The following PTPRN2 variants were observed in gnomAD, a reference collection of about 807,000 sequenced individuals.
PTPRN2 encodes the protein protein tyrosine phosphatase receptor type N2.
In PTPRN2, 74 loss-of-function variants were observed where a neutral mutation model predicts 118.8. That is an observed-to-expected ratio of 0.62 (90% CI 0.52 to 0.76). The LOEUF is 0.76. Among genes scored for constraint, PTPRN2 ranks in the 30% least tolerant of loss-of-function variants. The pLI is 0.00. For missense variants in PTPRN2, 1,481 were observed against 1,394.4 expected (o/e 1.06, Z -0.99); for synonymous variants, 641 against 608.0 (o/e 1.05, Z -0.80).
intron 14 of PTPRN2, among the ~76,000 whole-genome samples, chr7:157,644,741 G>A (rs1266321149): frequency 6.7e-6 from 1 of 150,236 alleles, no homozygotes; most frequent in Non-Finnish European, 1.5e-5. Flanking sequence ...GTTGCAGTGA[G>A]CCGAGATCAC....
intron 1 of PTPRN2, among the ~76,000 whole-genome samples, chr7:158,576,771 ATGGGGC>A (rs1405529125): frequency 6.6e-6 from 1 of 151,844 alleles, no homozygotes; most frequent in African/African-American, 2.4e-5. Flanking sequence ...CACAAACAGC[ATGGGGC>A]CTACACAACA....
At chr7:157,706,551 C>A (rs1033437389) in intron 12 of PTPRN2, among the ~76,000 whole-genome samples, 2 of 152,082 alleles carry the variant, frequency 1.3e-5, no homozygotes, top group African/African-American at 4.8e-5. Context: ...ACCCAGGTGC[C>A]TTCTGGATAA....
At chr7:158,403,457 T>C (rs537331168) in intron 2 of PTPRN2, among the ~76,000 whole-genome samples, 2 of 152,340 alleles carry the variant, frequency 1.3e-5, no homozygotes, top group East Asian at 3.9e-4. Context: ...CTGCCCTCGT[T>C]CTGCAACAGC....
In PTPRN2 at chr7:158,522,653, G is replaced by C. The variant is rs559985515; in HGVS notation, c.113-32868C>G. 9.2e-5 allele frequency among the ~76,000 whole-genome samples: 14 copies of C among 152,324 alleles called. No individual in the cohort carries two copies. In the South Asian group the frequency reaches 2.7e-3, roughly 29 times the overall value. On this transcript the variant is annotated intron_variant, in intron 1 of 22. Coordinates refer to ENST00000389418, the MANE Select transcript of PTPRN2 (RefSeq NM_002847.5). Reference sequence around the variant, plus strand: ...TTGCTGCGGCTAGATGCAGTCTGTGGACACAGATTAAGGTGAAGTGAGGGC... The same window carrying C: ...TTGCTGCGGCTAGATGCAGTCTGTGCACACAGATTAAGGTGAAGTGAGGGC...
chr7:158,115,036 C>T (rs1311442184), intron 9 of PTPRN2, among the ~76,000 whole-genome samples: 1 of 152,222 alleles, frequency 6.6e-6, no homozygotes, highest in Non-Finnish European at 1.5e-5. Flanking sequence ...GGGCACTGTC[C>T]CACTCTCCTG....
chr7:158,456,591 G>A (rs554963341), intron 2 of PTPRN2, among the ~76,000 whole-genome samples: 17 of 151,402 alleles, frequency 1.1e-4, no homozygotes, highest in East Asian at 7.9e-4. Context: ...CCATTGCTCC[G>A]CAGAGAAGAT....
At chr7:158,197,368 C>A (rs1826288041) in intron 4 of PTPRN2, among the ~76,000 whole-genome samples, 1 of 152,142 alleles carries the variant, frequency 6.6e-6, no homozygotes, top group South Asian at 2.1e-4. Context: ...GGATGTGGAA[C>A]TCATTACAAA....
chr7:157,568,844 C>T, intron 21 of PTPRN2, 58 bp downstream of exon 21: 1 of 1,504,830 alleles, frequency 6.6e-7, no homozygotes, highest in Non-Finnish European at 9.2e-7. Context: ...CCCTACGTTG[C>T]CATAGCGACG....
At chr7:158,541,609 G>A (rs748023380) in intron 1 of PTPRN2, 1 of 1,350,770 alleles carries the variant, frequency 7.4e-7, no homozygotes, top group Non-Finnish European at 9.8e-7. Flanking sequence ...ACAGCCATCT[G>A]GCTGTCATTT....
intron 21 of PTPRN2, among the ~76,000 whole-genome samples, chr7:157,555,897 G>A (rs1798851916): frequency 6.6e-6 from 1 of 152,228 alleles, no homozygotes; most frequent in African/African-American, 2.4e-5. Context: ...CGTGCCCCAG[G>A]AGCGCAGAGC....
chr7:158,440,023 A>T (rs191725291), intron 2 of PTPRN2, among the ~76,000 whole-genome samples: 2 of 152,238 alleles, frequency 1.3e-5, no homozygotes, highest in Admixed American at 1.3e-4. Flanking sequence ...AAATATCTTA[A>T]TTTCCCTATC....
chr7:158,141,438 G>T (rs146918907), intron 6 of PTPRN2, among the ~76,000 whole-genome samples: 1 of 152,170 alleles, frequency 6.6e-6, no homozygotes, highest in African/African-American at 2.4e-5. Context: ...CACGTGCCCC[G>T]TTCACTGCAT....
rs148230048 is a variant in PTPRN2, at chr7:157,889,147, G to A, written c.1788+9526C>T. ...AATAAAGTCCAAAGCCCCAACTGAC[G>A]GAATGACCTACTCTTGACCAAGAGG... On this transcript the variant is annotated intron_variant, in intron 12 of 22. Coordinates refer to ENST00000389418, the MANE Select transcript of PTPRN2 (RefSeq NM_002847.5). 1.8e-3 allele frequency among the ~76,000 whole-genome samples: 280 copies of A among 152,166 alleles called. 1 individual carries two copies. The East Asian group carries it at 0.02, about 11-fold the overall frequency.
intron 1 of PTPRN2, among the ~76,000 whole-genome samples, chr7:158,560,935 G>C (rs1178113993): frequency 1.3e-5 from 2 of 152,236 alleles, no homozygotes; most frequent in African/African-American, 4.8e-5. Context: ...CTTCACGTGT[G>C]ACTGGGCATC....
Position 158,555,298 on chromosome 7 carries a change from G to A in PTPRN2, c.112+32260C>T, listed in dbSNP as rs981205953. ...GGGGGAGGTTGGGGCTTATGCCTTA[G>A]GGCGCCAGTCAGGTCCTTCCAGGAG... On this transcript the variant is annotated intron_variant, in intron 1 of 22. Transcript: ENST00000389418. The surrounding 1 kb of genome is among the most constrained non-coding windows in gnomAD (Gnocchi z 4.7). 6.6e-6 allele frequency among the ~76,000 whole-genome samples: 1 copy of A among 152,190 alleles called. No homozygotes were observed. The highest frequency in any genetic ancestry group is 1.5e-5 in the Non-Finnish European group (1 of 68,040).
chr7:158,213,577 T>A (rs1411786089), intron 3 of PTPRN2, among the ~76,000 whole-genome samples: 1 of 152,050 alleles, frequency 6.6e-6, no homozygotes, highest in East Asian at 1.9e-4. Flanking sequence ...ACTATCCAAT[T>A]TAAGATTAAA....
At chr7:158,330,078 T>A (rs1218866026) in intron 2 of PTPRN2, among the ~76,000 whole-genome samples, 6 of 147,000 alleles carry the variant, frequency 4.1e-5, no homozygotes, top group African/African-American at 1.5e-4. Context: ...CCATAAGAGC[T>A]GACACCTGCA....
chr7:158,112,128 A>G (rs1816333537), intron 9 of PTPRN2, among the ~76,000 whole-genome samples: 1 of 152,236 alleles, frequency 6.6e-6, no homozygotes, highest in African/African-American at 2.4e-5. Flanking sequence ...CCTCCAGGAC[A>G]GGGAGAAGAT....
At position 158,167,056 on chromosome 7, in the gene PTPRN2, C is replaced by A. The variant is rs1332128608; in HGVS notation, c.785G>T (p.Ser262Ile). 3.2e-6 allele frequency: 5 copies of A among 1,573,990 alleles called. No individual in the cohort carries two copies. The highest frequency in any genetic ancestry group is 2.3e-5 in the East Asian group (1 of 43,414). The change falls in exon 6 of 23, where the codon AGC becomes ATC. Residue 262 changes from serine (S) to isoleucine (I), a missense_variant. Ser to Ile is a moderately radical substitution (Grantham distance 142, BLOSUM62 -2). This residue lies in a region of PTPRN2 where 1,115 missense variants were observed against 994.2 expected (regional missense o/e 1.12). Transcript: ENST00000389418. The part of the protein sequence containing the change: ...QRPPAPPGEG[S>I]LEPQYLLRAP... ...ACGCAGAAGGTACTGTGGCTCCAGG[C>A]TGCCCTCCCCGGGGGGAGCTGGGGG... is the stretch of plus-strand genomic sequence containing the variant.
Sources: gnomAD v4.1 joint callset for allele counts (sites outside exome capture counted in the v4.1 genomes callset) on GRCh38, gnomAD v4.1.1 for gene constraint, gnomAD v4.1.1 regional missense constraint, Gnocchi (gnomAD v3.1) non-coding constraint, MANE v1.5 for transcripts, NCBI Gene and HGNC (gene_info 2026-07-23, HGNC 2026-07-21) for gene names.